The following DNAH3 variants were observed in gnomAD, a reference collection of about 807,000 sequenced individuals.
DNAH3 encodes dynein axonemal heavy chain 3.
DNAH3 carries 332 observed loss-of-function variants against 432.5 expected under a neutral mutation model. That is an observed-to-expected ratio of 0.77 (90% confidence interval 0.70 to 0.84). The LOEUF (loss-of-function observed/expected upper bound fraction) is 0.84. Among genes scored for constraint, DNAH3 ranks in the 40% least tolerant of loss-of-function variants. The pLI is 0.00. For missense variants in DNAH3, 4,861 were observed against 5,114.0 expected (o/e 0.95, Z 1.51); for synonymous variants, 1,956 against 1,900.2 (o/e 1.03, Z -0.76).
In DNAH3 at chr16:20,979,418, G is replaced by A. The variant is rs145375625; in HGVS notation, c.7988C>T (p.Thr2663Met). The A allele has an allele frequency of 5.5e-4, 887 of 1,614,140 alleles. No homozygotes were observed. The highest frequency in any genetic ancestry group is 6.5e-4 in the Non-Finnish European group (767 of 1,180,028). ...CTCTTGCCTCTTGCTATTCAGGAGC[G>A]TCTTGAAGGTTAGAATCAATTCAAG... The change falls in exon 50 of 62, where the codon ACG (threonine) becomes ATG (methionine). Residue 2663 changes from threonine to methionine, a missense_variant. Physicochemically the swap from Thr to Met is moderately conservative, Grantham distance 81. Transcript: ENST00000261383.
intron 39 of DNAH3, among the ~76,000 whole-genome samples, chr16:21,023,049 C>G (rs2088333808): frequency 6.6e-6 from 1 of 152,056 alleles, no homozygotes; most frequent in African/African-American, 2.4e-5. Context: ...CGCTCAGCCT[C>G]TTTGTTATAC....
In DNAH3 at chr16:21,150,473, G is replaced by A. The variant is rs1042351225; in HGVS notation, c.118-4385C>T. ...AACAATGGAACTTTCCAGATGTTCT[G>A]AAAGCTCTGTTCATGAGGTTGCCTC... is the stretch of plus-strand genomic sequence containing the variant. On this transcript the variant is annotated intron_variant, in intron 1 of 61. An upstream open reading frame in the 5' UTR gains an earlier in-frame stop. Transcript: ENST00000261383. 48 of 358,016 alleles carry A rather than the reference G, an allele frequency of 1.3e-4. No homozygotes were observed. The highest frequency in any genetic ancestry group is 9.6e-4 in the African/African-American group (45 of 46,832). 22.2% of individuals were successfully genotyped at this position (358,016 alleles called of 1,614,324 possible). A position where few individuals can be genotyped will look rare whatever the true frequency, so the allele number is the denominator to read the frequency against.
intron 50 of DNAH3, 125 bp from the exon 51 acceptor site, chr16:20,975,540 T>A (rs771851679): frequency 2.6e-5 from 24 of 926,074 alleles, no homozygotes; most frequent in Non-Finnish European, 3.7e-5. Context: ...TTTGACATGG[T>A]CCTGGGTACA....
At chr16:21,120,545 G>C in intron 11 of DNAH3, 1 of 610,176 alleles carries the variant, frequency 1.6e-6, no homozygotes, top group Non-Finnish European at 2.9e-6. Context: ...AACCAGTTCA[G>C]AGATAAAACA....
rs1192949760 is a variant in DNAH3 at position 20,979,485 on chromosome 16, T to C, written c.7921A>G (p.Asn2641Asp). 4 of 1,613,998 alleles carry C rather than the reference T, an allele frequency of 2.5e-6. No individual in the cohort carries two copies. In the Admixed American group the frequency reaches 6.7e-5, roughly 27 times the overall value. ...ACATAGTTGTGTCTTCGAAGTTTGT[T>C]GTAATAATCGAGTGACAGCTTCTTG... Residue 2641 changes from asparagine (N) to aspartate (D), a missense_variant, in exon 50 of 62, where the codon AAC becomes GAC. Transcript: ENST00000261383.
At chr16:20,970,863 CTTT>C (rs869203073) in intron 51 of DNAH3, among the ~76,000 whole-genome samples, 14 of 124,072 alleles carry the variant, frequency 1.1e-4, no homozygotes, top group South Asian at 2.6e-4. Flanking sequence ...TTTCTCTATT[CTTT>C]TTTTTTTTTT....
intron 1 of DNAH3, among the ~76,000 whole-genome samples, chr16:21,154,404 CAAAAA>C (rs34973143): frequency 4.1e-5 from 6 of 146,358 alleles, no homozygotes; most frequent in Middle Eastern, 3.2e-3. Context: ...GACTCTGTCT[CAAAAA>C]AAAAAAAATT....
chr16:21,084,796 A>G (rs2152777534), intron 19 of DNAH3, among the ~76,000 whole-genome samples: 1 of 152,198 alleles, frequency 6.6e-6, no homozygotes, highest in Non-Finnish European at 1.5e-5. Context: ...CTGAGTGCCC[A>G]CATACAAGAA....
At chr16:21,029,708 TG>T (rs1457710291) in intron 37 of DNAH3, among the ~76,000 whole-genome samples, 1 of 152,220 alleles carries the variant, frequency 6.6e-6, no homozygotes, top group Non-Finnish European at 1.5e-5. Flanking sequence ...TTCCAAAGAT[TG>T]GTGGTATTTT....
intron 55 of DNAH3, 55 bp downstream of exon 55, chr16:20,954,758 A>G (rs921369193): frequency 6.3e-6 from 10 of 1,588,470 alleles, no homozygotes; most frequent in East Asian, 2.2e-5. Context: ...AAACACACCT[A>G]TATGTGTCTG....
intron 44 of DNAH3, chr16:20,996,914 A>G (rs11074479): frequency 0.3 from 56,649 of 186,114 alleles, 9,097 homozygotes; most frequent in South Asian, 0.46. Flanking sequence ...TGGGTTAGGC[A>G]TTCTGTCTCT....
intron 31 of DNAH3, among the ~76,000 whole-genome samples, chr16:21,048,325 G>A (rs965564125): frequency 2.8e-4 from 42 of 152,204 alleles, no homozygotes; most frequent in African/African-American, 8.9e-4. Flanking sequence ...AGCAATCAGC[G>A]AGACTCCGTG....
chr16:21,101,793 G>C (rs1490418289), intron 16 of DNAH3, among the ~76,000 whole-genome samples: 1 of 152,136 alleles, frequency 6.6e-6, no homozygotes, highest in African/African-American at 2.4e-5. Flanking sequence ...AGGGAGAGGA[G>C]GAAAAGCTTG....
At chr16:21,120,038 G>A (rs979530248) in intron 11 of DNAH3, among the ~76,000 whole-genome samples, 1 of 150,616 alleles carries the variant, frequency 6.6e-6, no homozygotes, top group African/African-American at 2.4e-5. Context: ...TTCTTTCTGT[G>A]TCTTGAATAA....
At chr16:21,095,398 G>A (rs1003061090) in intron 18 of DNAH3, among the ~76,000 whole-genome samples, 9 of 152,156 alleles carry the variant, frequency 5.9e-5, no homozygotes, top group African/African-American at 1.7e-4. Context: ...CCAACAACTC[G>A]GATGAATCTT....
chr16:21,110,415 C>T (rs2152803422), intron 14 of DNAH3, among the ~76,000 whole-genome samples: 1 of 152,254 alleles, frequency 6.6e-6, no homozygotes, highest in East Asian at 1.9e-4. Context: ...TTTTTTGCCT[C>T]CTCTGGATAG....
At chr16:21,022,237 T>TA in intron 39 of DNAH3, 137 bp from the exon 40 acceptor site, 1 of 854,338 alleles carries the variant, frequency 1.2e-6, no homozygotes, top group Non-Finnish European at 1.8e-6. Flanking sequence ...GGGGAAAACT[T>TA]ATAGGCAACA....
chr16:21,155,176 C>G (rs2092890044), intron 1 of DNAH3, among the ~76,000 whole-genome samples: 1 of 151,914 alleles, frequency 6.6e-6, no homozygotes, highest in Admixed American at 6.6e-5. Context: ...TCTCGAACCC[C>G]TGACCTCAAG....
At chr16:21,027,914 C>A (rs558390566) in intron 37 of DNAH3, among the ~76,000 whole-genome samples, 1 of 152,310 alleles carries the variant, frequency 6.6e-6, no homozygotes, top group South Asian at 2.1e-4. Context: ...TCACAAAAGA[C>A]CCATATTTGA....
Sources: allele counts gnomAD v4.1 joint callset (sites outside exome capture counted in the v4.1 genomes callset), GRCh38; gene constraint gnomAD v4.1.1; transcripts MANE v1.5; gene names NCBI Gene and HGNC (gene_info 2026-07-23, HGNC 2026-07-21).